Variants in CLASP1 observed in about 807,000 individuals in gnomAD.
CLASP1 encodes cytoplasmic linker associated protein 1.
Under a neutral mutation model 192.3 loss-of-function variants are expected in CLASP1, and 38 were observed. That is an observed-to-expected ratio of 0.20 (90% CI 0.15 to 0.26). CLASP1 has a LOEUF of 0.26. Among genes scored for constraint, CLASP1 ranks in the 10% least tolerant of loss-of-function variants. The pLI, the probability that CLASP1 is intolerant of heterozygous loss-of-function variation, is 1.00. For missense variants in CLASP1, 1,433 were observed against 1,932.5 expected (o/e 0.74, Z 4.85); for synonymous variants, 691 against 712.8 (o/e 0.97, Z 0.49).
intron 34 of CLASP1, among the ~76,000 whole-genome samples, 162 bp from the exon 36 acceptor site, chr2:121,367,993 TA>T (rs1381120036): frequency 2.0e-5 from 3 of 152,250 alleles, no homozygotes; most frequent in African/African-American, 7.2e-5. Context: ...ACCAAATCCG[TA>T]AACTACCATA....
intron 1 of CLASP1, among the ~76,000 whole-genome samples, chr2:121,630,031 C>T (rs2069191480): frequency 6.6e-6 from 1 of 151,918 alleles, no homozygotes; most frequent in South Asian, 2.1e-4. Flanking sequence ...AGCTATTCTC[C>T]TGCCTCAGCC....
intron 9 of CLASP1, 87 bp downstream of exon 9, chr2:121,469,721 G>T: frequency 7.3e-7 from 1 of 1,365,348 alleles, no homozygotes; most frequent in South Asian, 1.7e-5. Context: ...TATCACTTCT[G>T]AGGGCCACCA....
At chr2:121,346,959 C>A in intron 39 of CLASP1, 79 bp downstream of exon 40, 1 of 846,550 alleles carries the variant, frequency 1.2e-6, no homozygotes, top group South Asian at 1.7e-5. Flanking sequence ...GTCTGGAATC[C>A]AGAGCTGCAG....
At chr2:121,414,566 A>C (rs143565599) in intron 23 of CLASP1, among the ~76,000 whole-genome samples, 80 of 152,284 alleles carry the variant, frequency 5.3e-4, no homozygotes, top group South Asian at 1.0e-3. Context: ...CACCGTCTAC[A>C]TCCCAGAGCG....
At chr2:121,418,189 A>G (rs997381694) in intron 23 of CLASP1, among the ~76,000 whole-genome samples, 1 of 152,246 alleles carries the variant, frequency 6.6e-6, no homozygotes, top group Non-Finnish European at 1.5e-5. Context: ...CATTATCGCT[A>G]TTGTACTTTT....
chr2:121,359,542 C>T (rs2149212857), intron 37 of CLASP1, among the ~76,000 whole-genome samples: 1 of 152,286 alleles, frequency 6.6e-6, no homozygotes, highest in South Asian at 2.1e-4. Flanking sequence ...TCATGGAGTT[C>T]TCTTGGAAAC....
intron 9 of CLASP1, among the ~76,000 whole-genome samples, chr2:121,465,303 A>G (rs2089302878): frequency 1.3e-5 from 2 of 152,216 alleles, no homozygotes; most frequent in Middle Eastern, 3.2e-3. Context: ...CCTCAAGCTG[A>G]TAAGCAAGTT....
Position 121,473,693 on chromosome 2 carries a change from T to G in CLASP1, c.713-3733A>C, listed in dbSNP as rs114181911. Among the ~76,000 whole-genome samples the G allele has an allele frequency of 7.4e-4, 112 of 152,166 alleles. 2 individuals are homozygous for G. Among genetic ancestry groups the G allele is most frequent in the African/African-American group, 2.6e-3 (108 of 41,508 alleles). Reference sequence around the variant, plus strand: ...GGAGGCACATCATAATCAAACTGCTTAAACCCAGACAAGAGCAGCCAGGGG... The same window carrying G: ...GGAGGCACATCATAATCAAACTGCTGAAACCCAGACAAGAGCAGCCAGGGG... On this transcript the variant is annotated intron_variant, in intron 8 of 39. Coordinates refer to ENST00000263710, the Ensembl canonical transcript of CLASP1.
chr2:121,570,258 C>CT (rs1204529910), intron 2 of CLASP1, among the ~76,000 whole-genome samples: 1 of 152,180 alleles, frequency 6.6e-6, no homozygotes, highest in Non-Finnish European at 1.5e-5. Flanking sequence ...AGTGCCTCTC[C>CT]TTTTTATTGC....
chr2:121,550,528 C>G (rs1288729825), intron 2 of CLASP1, among the ~76,000 whole-genome samples: 1 of 151,844 alleles, frequency 6.6e-6, no homozygotes, highest in Non-Finnish European at 1.5e-5. Flanking sequence ...AAGGGAAGAT[C>G]CAAATAAACA....
At chr2:121,488,150 A>G (rs1255580938) in intron 8 of CLASP1, among the ~76,000 whole-genome samples, 1 of 152,128 alleles carries the variant, frequency 6.6e-6, no homozygotes, top group East Asian at 1.9e-4. Flanking sequence ...TGGGTACTGG[A>G]TGGTTTCTTT....
chr2:121,404,643 C>T (rs953050423), intron 25 of CLASP1, among the ~76,000 whole-genome samples: 6 of 152,108 alleles, frequency 3.9e-5, no homozygotes, highest in Admixed American at 3.9e-4. Flanking sequence ...TTTGATCAGT[C>T]AACTACATAA....
At chr2:121,621,086 G>C (rs2067262277) in intron 1 of CLASP1, among the ~76,000 whole-genome samples, 1 of 151,950 alleles carries the variant, frequency 6.6e-6, no homozygotes, top group Non-Finnish European at 1.5e-5. Context: ...AAATTAATTG[G>C]TACATGCTTG....
chr2:121,357,437 C>G (rs12615068), intron 37 of CLASP1, among the ~76,000 whole-genome samples: 31,135 of 152,074 alleles, frequency 0.2, 5,995 homozygotes, highest in African/African-American at 0.51. Flanking sequence ...ACCCAGCATA[C>G]AAGTGCTTTA....
At chr2:121,472,533 T>A (rs1368575412) in intron 8 of CLASP1, among the ~76,000 whole-genome samples, 2 of 152,214 alleles carry the variant, frequency 1.3e-5, no homozygotes, top group African/African-American at 2.4e-5. Flanking sequence ...GGTCACCAAG[T>A]ACAGGGAAGG....
chr2:121,544,513 C>T (rs2872088), intron 2 of CLASP1, among the ~76,000 whole-genome samples: 1 of 150,596 alleles, frequency 6.6e-6, no homozygotes, highest in Admixed American at 6.6e-5. Flanking sequence ...ATAGTCTGTG[C>T]TTAACATACT....
At chr2:121,570,623 A>G (rs2059901241) in intron 2 of CLASP1, among the ~76,000 whole-genome samples, 1 of 152,194 alleles carries the variant, frequency 6.6e-6, no homozygotes, top group African/African-American at 2.4e-5. Context: ...AAGGCAAGAG[A>G]GGGTGAGTGT....
chr2:121,377,625 G>A, exon 34 of CLASP1: 1 of 1,589,048 alleles, frequency 6.3e-7, no homozygotes, highest in Non-Finnish European at 8.6e-7. Flanking sequence ...CAGAGTTCAG[G>A]TTCTCTGTAT....
At chr2:121,595,123 T>G (rs1262793015) in intron 2 of CLASP1, among the ~76,000 whole-genome samples, 2 of 152,234 alleles carry the variant, frequency 1.3e-5, no homozygotes, top group East Asian at 3.8e-4. Context: ...CTCCAATAAA[T>G]GCTACTATTA....
Sources: gnomAD v4.1 joint callset for allele counts (sites outside exome capture counted in the v4.1 genomes callset) on GRCh38, gnomAD v4.1.1 for gene constraint, MANE v1.5 for transcripts, NCBI Gene and HGNC (gene_info 2026-07-23, HGNC 2026-07-21) for gene names.